The following KCNQ3 variants were observed in gnomAD, a reference collection of about 807,000 sequenced individuals.
The protein encoded by KCNQ3 is potassium voltage-gated channel subfamily Q member 3, also known as potassium voltage-gated channel subfamily KQT member 3.
KCNQ3 carries 30 observed loss-of-function variants against 92.5 expected under a neutral mutation model. The ratio of observed to expected loss-of-function variants is 0.32; its 90% CI spans 0.24 to 0.44. The LOEUF (loss-of-function observed/expected upper bound fraction) is 0.44, where lower values mean the gene tolerates loss of function less well. Ranked by LOEUF, KCNQ3 falls within the 20% of genes least tolerant of loss-of-function variation. KCNQ3 has a pLI of 1.00. For synonymous variants in KCNQ3, 450 were observed against 468.8 expected, an observed-to-expected ratio of 0.96 and a Z score of 0.52; for missense variants, 913 against 1,140.3, an observed-to-expected ratio of 0.80 and a Z score of 2.87.
chr8:132,176,214 G>C (rs1421535940), intron 4 of KCNQ3, among the ~76,000 whole-genome samples: 1 of 152,172 alleles, frequency 6.6e-6, no homozygotes, highest in Non-Finnish European at 1.5e-5. Context: ...AAGGTATCAA[G>C]CCTGTAATTT....
At chr8:132,180,839 A>AAAAAAAAAAAAC (rs1563791391) in intron 3 of KCNQ3, among the ~76,000 whole-genome samples, 9 of 150,274 alleles carry the variant, frequency 6.0e-5, no homozygotes, top group Non-Finnish European at 5.9e-5. Flanking sequence ...GAATGTTAAA[A>AAAAAAAAAAAAC]AAAAAAAAAA....
intron 1 of KCNQ3, among the ~76,000 whole-genome samples, chr8:132,437,042 G>A (rs1166106434): frequency 2.2e-4 from 34 of 151,718 alleles, no homozygotes; most frequent in Admixed American, 2.2e-3. Flanking sequence ...CACTTTGGGA[G>A]GCCGAGGCGG....
At chr8:132,282,484 A>G (rs1816553232) in intron 1 of KCNQ3, among the ~76,000 whole-genome samples, 1 of 152,132 alleles carries the variant, frequency 6.6e-6, no homozygotes, top group South Asian at 2.1e-4. Context: ...ACTCTCCAGC[A>G]TCTCCTAGGC....
chr8:132,407,740 A>C (rs991282075), intron 1 of KCNQ3, among the ~76,000 whole-genome samples: 1 of 152,198 alleles, frequency 6.6e-6, no homozygotes, highest in Non-Finnish European at 1.5e-5. Flanking sequence ...CTACCTGAAC[A>C]GTTTGTAAAA....
intron 1 of KCNQ3, among the ~76,000 whole-genome samples, chr8:132,385,363 G>A (rs1365105757): frequency 6.6e-6 from 1 of 152,182 alleles, no homozygotes; most frequent in African/African-American, 2.4e-5. Context: ...GTGCTTTCTG[G>A]GGAGCCTAAC....
chr8:132,189,766 C>A (rs1036654816), intron 1 of KCNQ3, among the ~76,000 whole-genome samples: 1 of 150,920 alleles, frequency 6.6e-6, no homozygotes, highest in Non-Finnish European at 1.5e-5. Context: ...GCGGAGGTTG[C>A]GGTGAGCCGA....
At chr8:132,309,148 T>C (rs1374225365) in intron 1 of KCNQ3, among the ~76,000 whole-genome samples, 2 of 152,172 alleles carry the variant, frequency 1.3e-5, no homozygotes, top group East Asian at 1.9e-4. Flanking sequence ...CTTTCTCCCA[T>C]GCCGGATGCT....
chr8:132,314,420 T>C (rs374019719), intron 1 of KCNQ3, among the ~76,000 whole-genome samples: 1 of 152,176 alleles, frequency 6.6e-6, no homozygotes, highest in Non-Finnish European at 1.5e-5. Context: ...AGGCTTCATA[T>C]AATTCCTAAC....
chr8:132,446,255 G>A (rs568725635), intron 1 of KCNQ3, among the ~76,000 whole-genome samples: 41 of 152,166 alleles, frequency 2.7e-4, no homozygotes, highest in African/African-American at 6.8e-4. Context: ...CAATGCCTTC[G>A]TGGTGGCCAA....
intron 14 of KCNQ3, among the ~76,000 whole-genome samples, chr8:132,131,695 G>A (rs1253616567): frequency 6.6e-6 from 1 of 152,142 alleles, no homozygotes; most frequent in African/African-American, 2.4e-5. Flanking sequence ...TAATTAACTT[G>A]CACGTGATCA....
At chr8:132,219,031 G>A (rs1814131022) in intron 1 of KCNQ3, among the ~76,000 whole-genome samples, 1 of 152,160 alleles carries the variant, frequency 6.6e-6, no homozygotes, top group Non-Finnish European at 1.5e-5. Flanking sequence ...TCTCTGTAAG[G>A]TGAACACTAT....
At chr8:132,182,976 A>G (rs1826839669) in intron 3 of KCNQ3, among the ~76,000 whole-genome samples, 1 of 152,004 alleles carries the variant, frequency 6.6e-6, no homozygotes, top group African/African-American at 2.4e-5. Flanking sequence ...GTCCAACCTT[A>G]GCATCAGGTG....
chr8:132,244,920 C>CAAA (rs35215337), intron 1 of KCNQ3, among the ~76,000 whole-genome samples: 7 of 112,350 alleles, frequency 6.2e-5, no homozygotes, highest in South Asian at 3.0e-4. Flanking sequence ...CTCACTTGAC[C>CAAA]AAAAAAAAAA....
intron 1 of KCNQ3, among the ~76,000 whole-genome samples, chr8:132,197,727 C>G (rs1827340009): frequency 6.6e-6 from 1 of 152,196 alleles, no homozygotes; most frequent in African/African-American, 2.4e-5. Flanking sequence ...ATGCTACGGA[C>G]TGAAGTATTT....
At position 132,390,311 on chromosome 8, in the gene KCNQ3, G is replaced by C. The variant is rs76921953; in HGVS notation, c.386+89836C>G. Among the ~76,000 whole-genome samples, 524 of 152,316 alleles carry C rather than the reference G, an allele frequency of 3.4e-3. 2 individuals carry two copies. Among genetic ancestry groups the C allele is most frequent in the African/African-American group, 0.012 (491 of 41,580 alleles). ...AAGTCAGAATAGAGATTGCTTTTGG[G>C]GGAGAGTCTGGGCTTGAGTAGAAAG... is the stretch of plus-strand genomic sequence containing the variant. On this transcript the variant is annotated intron_variant, in intron 1 of 14. Transcript: ENST00000388996.
At chr8:132,412,882 T>C (rs930429635) in intron 1 of KCNQ3, among the ~76,000 whole-genome samples, 1 of 152,110 alleles carries the variant, frequency 6.6e-6, no homozygotes, top group Non-Finnish European at 1.5e-5. Flanking sequence ...TTGACCCGGA[T>C]CACTTAAAGC....
rs546305928 is a variant in KCNQ3, at chr8:132,184,229, G to A, written c.604+12C>T. 4 of 1,614,176 alleles carry A rather than the reference G, an allele frequency of 2.5e-6. No individual in the cohort carries two copies. The African/African-American group carries it at 5.3e-5, about 22-fold the overall frequency. ...AACTGAGGAGGCTGGGAGGCTCAGGGTCAGGACTTACCCAACATGCACAGG... is the reference window on the plus strand; with the variant it reads ...AACTGAGGAGGCTGGGAGGCTCAGGATCAGGACTTACCCAACATGCACAGG... On this transcript the variant is annotated intron_variant, in intron 3 of 14. Transcript: ENST00000388996.
intron 1 of KCNQ3, among the ~76,000 whole-genome samples, chr8:132,247,134 G>C (rs1815206521): frequency 6.6e-6 from 1 of 152,054 alleles, no homozygotes; most frequent in Admixed American, 6.6e-5. Flanking sequence ...ATATTGCCTT[G>C]TTGTCATCTA....
chr8:132,140,070 C>T lies in KCNQ3; in HGVS notation c.1568+6G>A. 6.3e-7 allele frequency: 1 copy of T among 1,582,832 alleles called. No individual in the cohort carries two copies. The highest frequency in any genetic ancestry group is 8.6e-7 in the Non-Finnish European group (1 of 1,163,282). On this transcript the variant is annotated splice_donor_region_variant and intron_variant, in intron 11 of 14. Transcript: ENST00000388996. ...ACAGGCACAGGTGGGACCGTGGGGG[C>T]ATTACCTGACGGCTCGGATGGCGGC...
Sources: gnomAD v4.1 joint callset for allele counts (sites outside exome capture counted in the v4.1 genomes callset) on GRCh38, gnomAD v4.1.1 for gene constraint, MANE v1.5 for transcripts, NCBI Gene and HGNC (gene_info 2026-07-23, HGNC 2026-07-21) for gene names.